PDIA6: variants seen among roughly 807,000 people sequenced by gnomAD.
The protein encoded by PDIA6 is protein disulfide-isomerase A6.
A neutral mutation model predicts 58.4 loss-of-function variants in PDIA6; 29 were observed. The observed-to-expected ratio is 0.50, with a 90% confidence interval of 0.37 to 0.68. The LOEUF (loss-of-function observed/expected upper bound fraction) is 0.68. Ranked by LOEUF, PDIA6 falls within the 30% of genes least tolerant of loss-of-function variation. PDIA6 has a pLI of 0.00. For missense variants in PDIA6, 480 were observed against 551.0 expected, an observed-to-expected ratio of 0.87 and a Z score of 1.29; for synonymous variants, 192 against 202.6, an observed-to-expected ratio of 0.95 and a Z score of 0.44.
intron 1 of PDIA6, chr2:10,820,853 G>T (rs1160458984): frequency 4.3e-6 from 3 of 702,856 alleles, no homozygotes; most frequent in Non-Finnish European, 7.8e-6. Flanking sequence ...TCTCCCGGAG[G>T]TCTCTTCTCA....
chr2:10,791,018 T>C (rs1666010868), intron 6 of PDIA6, among the ~76,000 whole-genome samples, 185 bp from the exon 7 acceptor site: 1 of 152,136 alleles, frequency 6.6e-6, no homozygotes, highest in African/African-American at 2.4e-5. Context: ...TGTTAATTTC[T>C]ACATTTTTAG....
upstream of PDIA6, among the ~76,000 whole-genome samples, chr2:10,815,792 G>A (rs1166202203): frequency 6.6e-6 from 1 of 152,154 alleles, no homozygotes; most frequent in East Asian, 1.9e-4. Flanking sequence ...TGATCCGCCT[G>A]CCTCGGCCTC....
intron 1 of PDIA6, among the ~76,000 whole-genome samples, chr2:10,804,028 C>G (rs940908805): frequency 2.2e-4 from 33 of 151,142 alleles, no homozygotes; most frequent in Admixed American, 1.7e-3. Context: ...CCTGCCTCAA[C>G]CTCCTGAGTA....
intron 1 of PDIA6, chr2:10,823,139 G>T (rs1310762054): frequency 6.6e-5 from 10 of 152,200 alleles, no homozygotes; most frequent in Non-Finnish European, 1.3e-4. Context: ...TTTTTCTTGT[G>T]TTTCAGAGGT....
upstream of PDIA6, among the ~76,000 whole-genome samples, chr2:10,835,044 A>G (rs911689743): frequency 6.6e-6 from 1 of 152,162 alleles, no homozygotes; most frequent in Non-Finnish European, 1.5e-5. Flanking sequence ...CTGGGATTAC[A>G]GGCATGAGCC....
At position 10,797,204 on chromosome 2, in the gene PDIA6, C is replaced by T. The variant is rs1666301713; in HGVS notation, c.223G>A (p.Val75Ile). The T allele has an allele frequency of 6.2e-7, 1 of 1,605,642 alleles. No homozygotes were observed. The highest frequency in any genetic ancestry group is 1.7e-5 in the Admixed American group (1 of 57,616). Residue 75 changes from valine to isoleucine, a missense_variant, in exon 4 of 13, where the codon GTT (valine) becomes ATT (isoleucine). Transcript: ENST00000272227. The stretch of plus-strand genomic sequence containing the variant: ...GCATCAACTGCACCAACTTTGACAA[C>T]ATCCTGTGGAAATGTAAAAGAAATA... ...WKKAATALKD[V>I]VKVGAVDADK...
intron 10 of PDIA6, among the ~76,000 whole-genome samples, chr2:10,788,446 G>C (rs1174416333): frequency 6.6e-6 from 1 of 152,058 alleles, no homozygotes; most frequent in African/African-American, 2.4e-5. Context: ...CTTGAGGTCA[G>C]GAGTTTTGAG....
chr2:10,807,867 C>A (rs1387569), intron 1 of PDIA6, among the ~76,000 whole-genome samples: 74,197 of 152,022 alleles, frequency 0.49, 19,655 homozygotes, highest in South Asian at 0.58. Flanking sequence ...GAAAGTAGGA[C>A]TTATCCCCAT....
At chr2:10,808,260 G>T (rs866221357) in intron 1 of PDIA6, among the ~76,000 whole-genome samples, 1 of 152,206 alleles carries the variant, frequency 6.6e-6, no homozygotes, top group Non-Finnish European at 1.5e-5. Context: ...TGTGGAAGGG[G>T]CCACACTAAC....
upstream of PDIA6, among the ~76,000 whole-genome samples, chr2:10,835,501 G>A (rs1667814050): frequency 6.6e-6 from 1 of 152,156 alleles, no homozygotes; most frequent in South Asian, 2.1e-4. Context: ...AGGGGTCGCT[G>A]CAGGCAAGAG....
Position 10,797,085 on chromosome 2 carries a change from G to A in PDIA6, c.342C>T (p.Tyr114=). 1 of 1,613,302 alleles carries A rather than the reference G, an allele frequency of 6.2e-7. No homozygotes were observed. The highest frequency in any genetic ancestry group is 1.7e-5 in the Admixed American group (1 of 59,950). ...FGSNKNRPED[Y]QGGRTGEAIV... ...GTAGCTAGGAAAAGTCCTTACCTTG[G>A]TAATCTTCTGGTCTGTTTTTGTTGG... is the stretch of plus-strand genomic sequence containing the variant. The change falls in exon 4 of 13, where the codon TAC becomes TAT. Residue 114 remains tyrosine (Y), a synonymous_variant. Transcript: ENST00000272227.
chr2:10,812,135 C>T (rs1020757263), intron 1 of PDIA6, among the ~76,000 whole-genome samples: 1 of 152,160 alleles, frequency 6.6e-6, no homozygotes, highest in Non-Finnish European at 1.5e-5. Context: ...GTCTCGAACT[C>T]CTGACCTCAG....
intron 10 of PDIA6, among the ~76,000 whole-genome samples, chr2:10,787,897 C>T (rs1665847954): frequency 6.6e-6 from 1 of 152,078 alleles, no homozygotes; most frequent in African/African-American, 2.4e-5. Flanking sequence ...CAAACCCCAT[C>T]TCTACTAAAA....
intron 1 of PDIA6, among the ~76,000 whole-genome samples, chr2:10,809,488 C>T (rs72779438): frequency 0.49 from 73,801 of 151,172 alleles, 19,522 homozygotes; most frequent in South Asian, 0.58. Context: ...CCAGCCTGGG[C>T]AACATGGCAA....
At chr2:10,801,659 A>G (rs1345883388) in intron 2 of PDIA6, among the ~76,000 whole-genome samples, 2 of 152,238 alleles carry the variant, frequency 1.3e-5, no homozygotes, top group African/African-American at 4.8e-5. Context: ...CTTTGAAAAT[A>G]GAGCGTTTTT....
chr2:10,787,283 G>A lies in PDIA6; in HGVS notation c.1155C>T (p.Leu385=). The change falls in exon 11 of 13, where the codon CTC becomes CTT. Residue 385 remains leucine (L), a splice_region_variant and synonymous_variant. Transcript: ENST00000272227. Reference sequence around the variant, plus strand: ...AACAACCTAAGAAAACAAATTACCTGAGAAACTCGTTGATGCCTTGCTCAC... The same window carrying A: ...AACAACCTAAGAAAACAAATTACCTAAGAAACTCGTTGATGCCTTGCTCAC... ...SFSEQGINEF[L]RELSFGRGST... 1 of 1,613,520 alleles carries A rather than the reference G, an allele frequency of 6.2e-7. No homozygotes were observed. The highest frequency in any genetic ancestry group is 8.5e-7 in the Non-Finnish European group (1 of 1,179,502).
intron 1 of PDIA6, among the ~76,000 whole-genome samples, chr2:10,806,975 AG>A (rs1666794291): frequency 6.6e-6 from 1 of 152,226 alleles, no homozygotes; most frequent in Non-Finnish European, 1.5e-5. Flanking sequence ...TTCACAATGA[AG>A]AAATCGTCTG....
chr2:10,802,584 C>A lies in PDIA6; in HGVS notation c.76G>T (p.Asp26Tyr). 1.3e-6 allele frequency: 2 copies of A among 1,501,374 alleles called. No homozygotes were observed. The highest frequency in any genetic ancestry group is 1.4e-5 in the African/African-American group (1 of 70,012). The allele number at this position is 1,501,374 out of a possible 1,614,324, so 93.0% of individuals were successfully genotyped here. Residue 26 changes from aspartate to tyrosine, a missense_variant, in exon 2 of 13, where the codon GAT (aspartate) becomes TAT (tyrosine). Coordinates refer to ENST00000272227, the MANE Select transcript of PDIA6 (RefSeq NM_005742.4). The part of the protein sequence containing the change: ...AVNGLYSSSD[D>Y]VIELTPSNFN... Reference sequence around the variant, plus strand: ...TTCGATGGAGTTAATTCGATCACATCATCACTAGAGGAATACAGACCATTC... The same window carrying A: ...TTCGATGGAGTTAATTCGATCACATAATCACTAGAGGAATACAGACCATTC...
rs2148538063 is a variant in PDIA6, at chr2:10,790,844, A to C, written c.585-11T>G. 6.2e-7 allele frequency: 1 copy of C among 1,601,228 alleles called. No individual in the cohort carries two copies. Among genetic ancestry groups the C allele is most frequent in the East Asian group, 2.2e-5 (1 of 44,806 alleles). On this transcript the variant is annotated splice_polypyrimidine_tract_variant and intron_variant, in intron 6 of 12. Coordinates refer to ENST00000272227, the MANE Select transcript of PDIA6 (RefSeq NM_005742.4). ...CACTCTGGCTCTAGGCTATAGAAAA[A>C]TATTCGTTTTGTTTTGTTTCTTTGA...
Sources: gnomAD v4.1 joint callset for allele counts (sites outside exome capture counted in the v4.1 genomes callset) on GRCh38, gnomAD v4.1.1 for gene constraint, MANE v1.5 for transcripts, NCBI Gene and HGNC (gene_info 2026-07-23, HGNC 2026-07-21) for gene names.